The following MPRIP variants were observed in gnomAD, a reference collection of about 807,000 sequenced individuals.
MPRIP encodes myosin phosphatase Rho interacting protein.
A neutral mutation model predicts 234.9 loss-of-function variants in MPRIP; 59 were observed. The ratio of observed to expected loss-of-function variants is 0.25; its 90% CI spans 0.20 to 0.31. MPRIP has a LOEUF of 0.31. MPRIP is among the 10% of genes least tolerant of loss of function. The pLI is 1.00. For synonymous variants in MPRIP, 1,144 were observed against 1,263.9 expected, an observed-to-expected ratio of 0.91 and a Z score of 2.01; for missense variants, 2,436 against 3,071.0, an observed-to-expected ratio of 0.79 and a Z score of 4.89.
At chr17:17,081,214 G>C (rs1029753675) in intron 3 of MPRIP, among the ~76,000 whole-genome samples, 3 of 152,192 alleles carry the variant, frequency 2.0e-5, no homozygotes, top group Non-Finnish European at 4.4e-5. Flanking sequence ...TCATTTGCTT[G>C]AGTGTTATCT....
At chr17:17,182,576 C>T (rs1040558111) in intron 23 of MPRIP, 1 of 152,300 alleles carries the variant, frequency 6.6e-6, no homozygotes, top group South Asian at 2.1e-4. Context: ...GAAACAGCCT[C>T]CTGCAGCCAG....
chr17:17,167,584 T>C lies in MPRIP; in HGVS notation c.5993T>C (p.Leu1998Pro). 6 of 1,304,216 alleles carry C rather than the reference T, an allele frequency of 4.6e-6. No homozygotes were observed. Among genetic ancestry groups the C allele is most frequent in the Non-Finnish European group, 6.1e-6 (6 of 988,946 alleles). The allele number at this position is 1,304,216 out of a possible 1,614,324, so 80.8% of individuals were successfully genotyped here. ...ERHHGEQIQTLEDRFQLKVRE... is the reference protein window; with the variant it reads ...ERHHGEQIQTPEDRFQLKVRE... ...CATCATGGTGAGCAGATACAGACCC[T>C]GGAGGACAGGTTCCAGCTCAAGGTC... Residue 1998 changes from leucine to proline, a missense_variant, in exon 16 of 24, where the codon CTG (leucine) becomes CCG (proline). This residue lies in a region of MPRIP where 1,998 missense variants were observed against 2,520.3 expected (regional missense o/e 0.79). Transcript: ENST00000651222. This position sits in a 1 kb window ranked among gnomAD's most constrained non-coding sequence, Gnocchi z 5.9.
At chr17:17,183,995 T>C (rs2046424973) in intron 23 of MPRIP, among the ~76,000 whole-genome samples, 1 of 152,120 alleles carries the variant, frequency 6.6e-6, no homozygotes, top group Non-Finnish European at 1.5e-5. Context: ...AAGAGGGAGA[T>C]AAGTGAAGAG....
intron 3 of MPRIP, among the ~76,000 whole-genome samples, chr17:17,100,283 T>C (rs1247733331): frequency 6.6e-6 from 1 of 152,224 alleles, no homozygotes; most frequent in Non-Finnish European, 1.5e-5. Context: ...TTGGAGAGCA[T>C]GGCACGGCTG....
chr17:17,109,510 G>A (rs144973700), intron 3 of MPRIP, among the ~76,000 whole-genome samples: 3 of 152,332 alleles, frequency 2.0e-5, no homozygotes, highest in Admixed American at 1.3e-4. Flanking sequence ...ACTGATCCAC[G>A]GAGGTGCTAG....
intron 3 of MPRIP, among the ~76,000 whole-genome samples, chr17:17,111,023 G>A (rs1175939873): frequency 6.6e-6 from 1 of 151,960 alleles, no homozygotes; most frequent in East Asian, 1.9e-4. Context: ...CAAATGCACT[G>A]CACTGATGTA....
intron 1 of MPRIP, among the ~76,000 whole-genome samples, chr17:17,058,705 T>C (rs987067968): frequency 1.3e-5 from 2 of 152,216 alleles, no homozygotes; most frequent in Non-Finnish European, 2.9e-5. Flanking sequence ...TTGGAGTCTG[T>C]TTCATTTCCA....
intron 5 of MPRIP, 114 bp from the exon 6 acceptor site, chr17:17,136,105 C>G (rs1256060218): frequency 4.6e-6 from 5 of 1,078,238 alleles, no homozygotes; most frequent in Non-Finnish European, 7.0e-6. Context: ...TTCCAGGCCC[C>G]TGACATTGTG....
intron 23 of MPRIP, chr17:17,181,656 A>T (rs1460087876): frequency 6.6e-6 from 1 of 152,206 alleles, no homozygotes; most frequent in East Asian, 1.9e-4. Context: ...TTTGAGGCTA[A>T]ACTGTAGCTA....
intron 3 of MPRIP, among the ~76,000 whole-genome samples, chr17:17,119,924 G>T (rs1237262545): frequency 6.6e-6 from 1 of 152,244 alleles, no homozygotes; most frequent in Non-Finnish European, 1.5e-5. Flanking sequence ...GGTGTTCCAT[G>T]TGGGCCTTGG....
chr17:17,059,868 T>G (rs2088819886), intron 1 of MPRIP, among the ~76,000 whole-genome samples: 1 of 151,946 alleles, frequency 6.6e-6, no homozygotes, highest in African/African-American at 2.4e-5. Context: ...CTGTTCTGAG[T>G]TCTGGGACCA....
At chr17:17,054,799 C>T (rs545692224) in intron 1 of MPRIP, among the ~76,000 whole-genome samples, 29 of 152,154 alleles carry the variant, frequency 1.9e-4, no homozygotes, top group South Asian at 1.7e-3. Context: ...CCTGTTATCC[C>T]GGAACTTTGG....
At chr17:17,116,321 C>G (rs1432606431) in intron 3 of MPRIP, among the ~76,000 whole-genome samples, 10 of 152,168 alleles carry the variant, frequency 6.6e-5, no homozygotes, top group Admixed American at 6.5e-4. Flanking sequence ...GCAGGCCTCT[C>G]CGGCAGGACA....
rs970406423 is a variant in MPRIP, at chr17:17,162,318, T to C, written c.2517+962T>C. 2.9e-4 allele frequency among the ~76,000 whole-genome samples: 44 copies of C among 152,138 alleles called. 1 individual carries two copies. The highest frequency in any genetic ancestry group is 2.9e-5 in the Non-Finnish European group (2 of 68,030). ...GCCCTTCCGGCTCTTAGACCCCGAG[T>C]CTCTGTCACGTATTGTCTACATTTG... is the stretch of plus-strand genomic sequence containing the variant. On this transcript the variant is annotated intron_variant, in intron 15 of 23. Coordinates refer to ENST00000651222, the MANE Select transcript of MPRIP (RefSeq NM_001364716.4).
Position 17,164,805 on chromosome 17 carries a change from A to G in MPRIP, c.3214A>G (p.Thr1072Ala). 2 of 1,304,202 alleles carry G rather than the reference A, an allele frequency of 1.5e-6. No individual in the cohort carries two copies. Among genetic ancestry groups the G allele is most frequent in the Non-Finnish European group, 2.0e-6 (2 of 988,946 alleles). 80.8% of individuals were successfully genotyped at this position (1,304,202 alleles called of 1,614,324 possible). A position where few individuals can be genotyped will look rare whatever the true frequency, so the allele number is the denominator to read the frequency against. Residue 1072 changes from threonine (T) to alanine (A), a missense_variant, in exon 16 of 24, where the codon ACT (threonine) becomes GCT (alanine). Physicochemically the swap from Thr to Ala is moderately conservative, Grantham distance 58. This residue lies in a region of MPRIP where 1,998 missense variants were observed against 2,520.3 expected (regional missense o/e 0.79). Coordinates refer to ENST00000651222, the MANE Select transcript of MPRIP (RefSeq NM_001364716.4). ...ETLQKEKLSATFEGSEQVHQL... is the reference protein window; with the variant it reads ...ETLQKEKLSAAFEGSEQVHQL... ...CCTGCAGAAGGAGAAGCTGAGCGCC[A>G]CTTTCGAGGGCAGTGAGCAGGTGCA...
chr17:17,092,544 G>A (rs949032400), intron 3 of MPRIP, among the ~76,000 whole-genome samples: 2 of 152,136 alleles, frequency 1.3e-5, no homozygotes, highest in Non-Finnish European at 2.9e-5. Context: ...ATTCCCGAAG[G>A]CTTCCCTCAT....
At chr17:17,135,826 T>C (rs2090684336) in intron 5 of MPRIP, among the ~76,000 whole-genome samples, 1 of 152,258 alleles carries the variant, frequency 6.6e-6, no homozygotes, top group African/African-American at 2.4e-5. Flanking sequence ...GACTCTTTCC[T>C]TCACATAGCG....
intron 3 of MPRIP, among the ~76,000 whole-genome samples, chr17:17,113,889 T>TC (rs1567723628): frequency 7.0e-6 from 1 of 143,214 alleles, no homozygotes; most frequent in African/African-American, 2.6e-5. Context: ...TCTTTTCTTT[T>TC]TTTTTTTTTT....
chr17:17,057,834 A>T (rs2088751101), intron 1 of MPRIP: 2 of 623,326 alleles, frequency 3.2e-6, no homozygotes, highest in Non-Finnish European at 2.9e-6. Context: ...CCGCTGATAT[A>T]CTCTAATACT....
Sources: allele counts gnomAD v4.1 joint callset (sites outside exome capture counted in the v4.1 genomes callset), GRCh38; gene constraint gnomAD v4.1.1; regional missense constraint gnomAD v4.1.1; non-coding constraint Gnocchi (gnomAD v3.1); transcripts MANE v1.5; gene names NCBI Gene and HGNC (gene_info 2026-07-23, HGNC 2026-07-21).